RALGPS1: variants seen among roughly 807,000 people sequenced by gnomAD.
The protein encoded by RALGPS1 is Ral GEF with PH domain and SH3 binding motif 1, also known as ras-specific guanine nucleotide-releasing factor RalGPS1.
In RALGPS1, 19 loss-of-function variants were observed where a neutral mutation model predicts 78.8. The ratio of observed to expected loss-of-function variants is 0.24; its 90% CI spans 0.17 to 0.35. The LOEUF (loss-of-function observed/expected upper bound fraction) is 0.35. RALGPS1 is among the 10% of genes least tolerant of loss of function. RALGPS1 has a pLI of 1.00. For synonymous variants in RALGPS1, 228 were observed against 256.3 expected (o/e 0.89, Z 1.06); for missense variants, 454 against 688.3 (o/e 0.66, Z 3.81).
rs534429730 is a variant in RALGPS1 at position 127,174,760 on chromosome 9, C to G, written c.888C>G (p.Val296=). ...IEPGSSSPRL[V]SSKEDLAGPS... ...CAGGAAGCAGCTCTCCAAGACTAGT[C>G]TCTTCCAAGGAAGATCTTGCAGGTA... Residue 296 remains valine, a synonymous_variant, in exon 11 of 19, where the codon GTC becomes GTG. Transcript: ENST00000259351. 49 of 1,614,178 alleles carry G rather than the reference C, an allele frequency of 3.0e-5. No homozygotes were observed. The South Asian group carries it at 5.3e-4, about 17-fold the overall frequency.
intron 8 of RALGPS1, among the ~76,000 whole-genome samples, chr9:127,124,755 T>G (rs1020957897): frequency 6.6e-6 from 1 of 152,136 alleles, no homozygotes; most frequent in African/African-American, 2.4e-5. Context: ...ACTGAAAGGT[T>G]TTGAGCAAGA....
chr9:126,915,011 C>G lies in RALGPS1; in HGVS notation c.-66+36C>G. 2.0e-5 allele frequency: 3 copies of G among 148,988 alleles called. 1 individual carries two copies. The South Asian group carries it at 6.1e-4, about 30-fold the overall frequency. The allele number at this position is 148,988 out of a possible 1,614,324, so 9.2% of individuals were successfully genotyped here. The stretch of plus-strand genomic sequence containing the variant: ...GGGACTGCGGCGGCGGGGAGAGCGG[C>G]GGTGAGAGGCGCGGCCGACGGGGCG... On this transcript the variant is annotated intron_variant, in intron 1 of 18. Transcript: ENST00000259351.
At chr9:126,975,283 G>T (rs2040498329) in intron 3 of RALGPS1, among the ~76,000 whole-genome samples, 1 of 152,176 alleles carries the variant, frequency 6.6e-6, no homozygotes, top group Admixed American at 6.5e-5. Flanking sequence ...CTGACTTATG[G>T]TCTGAGCAGA....
chr9:127,103,690 T>C (rs1212443019), intron 8 of RALGPS1, among the ~76,000 whole-genome samples: 1 of 152,210 alleles, frequency 6.6e-6, no homozygotes, highest in Middle Eastern at 3.2e-3. Context: ...TTTTGTGTCA[T>C]TGGAACCATG....
chr9:127,135,217 T>C (rs866034930), intron 8 of RALGPS1, among the ~76,000 whole-genome samples: 81 of 152,274 alleles, frequency 5.3e-4, no homozygotes, highest in African/African-American at 1.9e-3. Context: ...TGGCTGTTTC[T>C]AGTATAGAGA....
At chr9:127,047,248 C>T (rs2047883899) in intron 5 of RALGPS1, among the ~76,000 whole-genome samples, 1 of 152,130 alleles carries the variant, frequency 6.6e-6, no homozygotes, top group Non-Finnish European at 1.5e-5. Flanking sequence ...ACCTATTCAA[C>T]AGTAGAGGGT....
chr9:126,931,371 A>G (rs1248576890), intron 1 of RALGPS1, among the ~76,000 whole-genome samples: 3 of 152,212 alleles, frequency 2.0e-5, no homozygotes, highest in African/African-American at 7.2e-5. Flanking sequence ...AACAACCCAA[A>G]TATCTACCAG....
intron 7 of RALGPS1, among the ~76,000 whole-genome samples, chr9:127,055,220 G>A (rs28489863): frequency 0.01 from 650 of 63,024 alleles, 2 homozygotes; most frequent in Non-Finnish European, 0.019. Flanking sequence ...CTATCTGTCT[G>A]TCTGTCTGTC....
chr9:127,069,197 T>C, intron 7 of RALGPS1, 33 bp from the exon 8 acceptor site: 1 of 1,569,220 alleles, frequency 6.4e-7, no homozygotes. Context: ...TCTTCTGGTT[T>C]ACTTATTTTG....
At chr9:126,981,855 G>A (rs2132832495) in intron 4 of RALGPS1, among the ~76,000 whole-genome samples, 1 of 152,276 alleles carries the variant, frequency 6.6e-6, no homozygotes, top group East Asian at 1.9e-4. Flanking sequence ...GAATCCAAGA[G>A]TGGCTTAGCT....
intron 1 of RALGPS1, among the ~76,000 whole-genome samples, chr9:126,939,370 C>A (rs2036546964): frequency 6.6e-6 from 1 of 152,214 alleles, no homozygotes; most frequent in Non-Finnish European, 1.5e-5. Flanking sequence ...CTATGCTGGG[C>A]ACTGTGCTGG....
At chr9:127,115,839 C>T (rs548094733) in intron 8 of RALGPS1, among the ~76,000 whole-genome samples, 1 of 152,356 alleles carries the variant, frequency 6.6e-6, no homozygotes, top group East Asian at 1.9e-4. Context: ...GTGACACCCT[C>T]ACCTTGGAGA....
chr9:127,121,471 A>C (rs2056077789), intron 8 of RALGPS1, among the ~76,000 whole-genome samples: 1 of 152,248 alleles, frequency 6.6e-6, no homozygotes, highest in Non-Finnish European at 1.5e-5. Flanking sequence ...TTTCCAAGTA[A>C]CTGAACTGGC....
At chr9:126,922,785 G>A (rs1295417875) in intron 1 of RALGPS1, among the ~76,000 whole-genome samples, 3 of 152,178 alleles carry the variant, frequency 2.0e-5, no homozygotes, top group African/African-American at 2.4e-5. Flanking sequence ...TTGTTCTTGC[G>A]TATTCAGGGC....
chr9:127,027,763 A>C (rs2046082259), intron 4 of RALGPS1, among the ~76,000 whole-genome samples: 1 of 152,168 alleles, frequency 6.6e-6, no homozygotes, highest in African/African-American at 2.4e-5. Flanking sequence ...GATTGTTGTG[A>C]GTTCTGACTT....
At chr9:126,916,609 C>T (rs2034187928) in intron 1 of RALGPS1, among the ~76,000 whole-genome samples, 1 of 152,090 alleles carries the variant, frequency 6.6e-6, no homozygotes, top group African/African-American at 2.4e-5. Context: ...GGTGAAACCC[C>T]CTCTCTACTA....
At chr9:127,176,589 A>G (rs569799557) in intron 11 of RALGPS1, among the ~76,000 whole-genome samples, 1 of 152,334 alleles carries the variant, frequency 6.6e-6, no homozygotes, top group African/African-American at 2.4e-5. Flanking sequence ...ATTAGTGTGA[A>G]TAAGAGGCCT....
chr9:126,966,749 TAAAC>T (rs568996562), intron 3 of RALGPS1, among the ~76,000 whole-genome samples: 148 of 152,120 alleles, frequency 9.7e-4, no homozygotes, highest in Middle Eastern at 3.4e-3. Flanking sequence ...TCTACAATGA[TAAAC>T]AATATTATTT....
intron 4 of RALGPS1, among the ~76,000 whole-genome samples, chr9:126,991,030 A>G (rs939251864): frequency 2.0e-5 from 3 of 152,248 alleles, no homozygotes; most frequent in Non-Finnish European, 4.4e-5. Context: ...GGGCCAAGGC[A>G]TAGAAAGGAG....
Sources: allele counts gnomAD v4.1 joint callset (sites outside exome capture counted in the v4.1 genomes callset), GRCh38; gene constraint gnomAD v4.1.1; transcripts MANE v1.5; gene names NCBI Gene and HGNC (gene_info 2026-07-23, HGNC 2026-07-21).